PRKN: variants seen among roughly 807,000 people sequenced by gnomAD.
PRKN encodes E3 ubiquitin-protein ligase parkin.
A neutral mutation model predicts 59.5 loss-of-function variants in PRKN; 56 were observed. The observed-to-expected ratio is 0.94, with a 90% CI of 0.76 to 1.18. The LOEUF is 1.18. Ranked by LOEUF, PRKN falls within the 50% of genes most tolerant of loss-of-function variation. The pLI, the probability that PRKN is intolerant of heterozygous loss-of-function variation, is 0.00. For missense variants in PRKN, 657 were observed against 596.4 expected (o/e 1.10, Z -1.06); for synonymous variants, 250 against 222.1 (o/e 1.13, Z -1.12).
chr6:162,165,771 G>C (rs1413472672), intron 4 of PRKN, among the ~76,000 whole-genome samples: 2 of 150,512 alleles, frequency 1.3e-5, no homozygotes, highest in Admixed American at 1.3e-4. Flanking sequence ...AAGTGAGGCC[G>C]AGTGTGGTGG....
intron 1 of PRKN, among the ~76,000 whole-genome samples, chr6:162,722,345 G>A (rs1198028987): frequency 6.6e-6 from 1 of 152,192 alleles, no homozygotes; most frequent in Non-Finnish European, 1.5e-5. Flanking sequence ...TCCTATTACT[G>A]TAATTCCTTT....
In PRKN at chr6:161,770,012, C is replaced by A. The variant is rs536251331; in HGVS notation, c.871+15760G>T. 3.9e-5 allele frequency among the ~76,000 whole-genome samples: 6 copies of A among 152,270 alleles called. No individual in the cohort carries two copies. In the East Asian group the frequency reaches 1.2e-3, roughly 29 times the overall value. On this transcript the variant is annotated intron_variant, in intron 7 of 11. Transcript: ENST00000366898. ...GACATGACCACAAATGCTGTCCTAG[C>A]CACCTGCACCCCCAAGAAGATGCTT...
At chr6:162,264,190 T>C (rs1009437517) in intron 2 of PRKN, among the ~76,000 whole-genome samples, 1 of 152,092 alleles carries the variant, frequency 6.6e-6, no homozygotes, top group African/African-American at 2.4e-5. Context: ...AACAAGATAA[T>C]TGCTTGAACC....
chr6:162,098,849 G>T (rs900009932), intron 4 of PRKN, among the ~76,000 whole-genome samples: 1 of 152,146 alleles, frequency 6.6e-6, no homozygotes, highest in Non-Finnish European at 1.5e-5. Context: ...AGAGAATGGT[G>T]TTTCCCTATC....
At chr6:161,513,378 C>T (rs754016370) in intron 9 of PRKN, among the ~76,000 whole-genome samples, 1 of 152,016 alleles carries the variant, frequency 6.6e-6, no homozygotes, top group South Asian at 2.1e-4. Flanking sequence ...GTAGCTGGGA[C>T]TACAGGTGCA....
In PRKN at chr6:161,400,822, G is replaced by GCCA. The variant is rs1187836688; in HGVS notation, c.1084-13948_1084-13946dup. Among the ~76,000 whole-genome samples, 1 of 152,114 alleles carries GCCA rather than the reference G, an allele frequency of 6.6e-6. No individual in the cohort carries two copies. The highest frequency in any genetic ancestry group is 2.4e-5 in the African/African-American group (1 of 41,406). On this transcript the variant is annotated intron_variant, in intron 9 of 11. Transcript: ENST00000366898. The surrounding 1 kb of genome is among the most constrained non-coding windows in gnomAD (Gnocchi z 4.2). ...GCAGTGAGAGCATATGAATTTTTCTGCCACACACTCTGAGTCATTTGTTAA... is the reference window on the plus strand; with the variant it reads ...GCAGTGAGAGCATATGAATTTTTCTGCCACCACACACTCTGAGTCATTTGTTAA...
chr6:161,548,936 C>G lies in PRKN; in HGVS notation c.1001G>C (p.Arg334Pro). The change falls in exon 9 of 12, where the codon CGC becomes CCC. Residue 334 changes from arginine to proline, a missense_variant. Coordinates refer to ENST00000366898, the MANE Select transcript of PRKN (RefSeq NM_004562.3). This position sits in a 1 kb window ranked among gnomAD's most constrained non-coding sequence, Gnocchi z 4.2. ...VLQMGGVLCP[R>P]PGCGAGLLPE... ...CAGCAGCCCCGCTCCACAGCCAGGGCGGGGGCATAACACGCCCCCCATCTG... is the reference window on the plus strand; with the variant it reads ...CAGCAGCCCCGCTCCACAGCCAGGGGGGGGGCATAACACGCCCCCCATCTG... 1.9e-6 allele frequency: 3 copies of G among 1,613,938 alleles called. No homozygotes were observed. The highest frequency in any genetic ancestry group is 2.5e-6 in the Non-Finnish European group (3 of 1,179,844).
intron 7 of PRKN, among the ~76,000 whole-genome samples, chr6:161,633,185 CACACAT>C (rs967379245): frequency 1.1e-4 from 16 of 152,138 alleles, no homozygotes; most frequent in African/African-American, 3.9e-4. Flanking sequence ...TCTGACTGCA[CACACAT>C]ACACATACAC....
intron 6 of PRKN, among the ~76,000 whole-genome samples, chr6:161,880,391 A>G (rs1011659228): frequency 1.3e-5 from 2 of 152,288 alleles, no homozygotes; most frequent in East Asian, 3.9e-4. Flanking sequence ...GCACTGAGAG[A>G]TATGATCATA....
Position 161,561,949 on chromosome 6 carries a change from CA to C in PRKN, c.933+7405del, listed in dbSNP as rs1200497650. Reference sequence around the variant, plus strand: ...CATTATGGTCATTCGTGACTTTTGCCACAGTGTCACAGGCGAAGGACGCTCC... The same window carrying C: ...CATTATGGTCATTCGTGACTTTTGCCCAGTGTCACAGGCGAAGGACGCTCC... On this transcript the variant is annotated intron_variant, in intron 8 of 11. Transcript: ENST00000366898. The surrounding 1 kb of genome is among the most constrained non-coding windows in gnomAD (Gnocchi z 5.0). Among the ~76,000 whole-genome samples the C allele has an allele frequency of 6.6e-6, 1 of 152,044 alleles. No homozygotes were observed. Among genetic ancestry groups the C allele is most frequent in the African/African-American group, 2.4e-5 (1 of 41,384 alleles).
intron 6 of PRKN, among the ~76,000 whole-genome samples, chr6:161,947,128 G>T (rs948572448): frequency 6.6e-6 from 1 of 151,742 alleles, no homozygotes; most frequent in Non-Finnish European, 1.5e-5. Context: ...ATGTTTATAC[G>T]TGTTATATGT....
At chr6:161,999,989 A>C (rs1399455030) in intron 5 of PRKN, among the ~76,000 whole-genome samples, 1 of 152,132 alleles carries the variant, frequency 6.6e-6, no homozygotes, top group Non-Finnish European at 1.5e-5. Flanking sequence ...CTTTAGAACA[A>C]AATTTTGTTT....
chr6:162,079,708 C>G (rs1778981547), intron 4 of PRKN, among the ~76,000 whole-genome samples: 1 of 152,036 alleles, frequency 6.6e-6, no homozygotes, highest in South Asian at 2.1e-4. Flanking sequence ...TTGTCACCCT[C>G]TACATAGAAA....
chr6:161,542,989 G>A (rs1459980526), intron 9 of PRKN, among the ~76,000 whole-genome samples: 1 of 152,098 alleles, frequency 6.6e-6, no homozygotes, highest in Non-Finnish European at 1.5e-5. Context: ...GCTTGAATAA[G>A]AAAAGTAACC....
intron 4 of PRKN, among the ~76,000 whole-genome samples, chr6:162,059,491 AAC>A (rs1778005639): frequency 6.6e-6 from 1 of 152,214 alleles, no homozygotes; most frequent in Non-Finnish European, 1.5e-5. Flanking sequence ...CTAATCATTG[AAC>A]ACAGTGTTTT....
chr6:161,630,342 A>C (rs1023760471), intron 7 of PRKN, among the ~76,000 whole-genome samples: 1 of 152,144 alleles, frequency 6.6e-6, no homozygotes, highest in African/African-American at 2.4e-5. Flanking sequence ...TTCCCTGTAG[A>C]GCCGTAGATG....
intron 6 of PRKN, among the ~76,000 whole-genome samples, chr6:161,792,914 A>G (rs1323577793): frequency 1.3e-5 from 2 of 152,364 alleles, no homozygotes; most frequent in African/African-American, 2.4e-5. Context: ...CAAGAAATAA[A>G]TGACTGAAAT....
At chr6:162,443,715 C>A (rs1480143145) in intron 1 of PRKN, among the ~76,000 whole-genome samples, 1 of 152,184 alleles carries the variant, frequency 6.6e-6, no homozygotes, top group African/African-American at 2.4e-5. Context: ...AAATTGCATT[C>A]TCCCTTTGAC....
chr6:161,955,546 GT>G (rs1334552213), intron 6 of PRKN, among the ~76,000 whole-genome samples: 2 of 152,250 alleles, frequency 1.3e-5, no homozygotes, highest in Admixed American at 6.5e-5. Flanking sequence ...CCAAAGAAGG[GT>G]TTGTATTAAA....
Sources: gnomAD v4.1 joint callset for allele counts (sites outside exome capture counted in the v4.1 genomes callset) on GRCh38, gnomAD v4.1.1 for gene constraint, Gnocchi (gnomAD v3.1) non-coding constraint, MANE v1.5 for transcripts, NCBI Gene and HGNC (gene_info 2026-07-23, HGNC 2026-07-21) for gene names.